Variants in MYO6 observed in about 807,000 individuals in gnomAD.
MYO6 encodes the protein unconventional myosin-VI.
A neutral mutation model predicts 178.7 loss-of-function variants in MYO6; 74 were observed. That is an observed-to-expected ratio of 0.41 (90% CI 0.34 to 0.50). MYO6 has a LOEUF of 0.50. Ranked by LOEUF, MYO6 falls within the 20% of genes least tolerant of loss-of-function variation. MYO6 has a pLI of 0.09. For synonymous variants in MYO6, 477 were observed against 504.6 expected, an observed-to-expected ratio of 0.95 and a Z score of 0.73; for missense variants, 1,330 against 1,547.4, an observed-to-expected ratio of 0.86 and a Z score of 2.36.
intron 1 of MYO6, among the ~76,000 whole-genome samples, chr6:75,759,952 G>A (rs1448894367): frequency 6.6e-6 from 1 of 152,074 alleles, no homozygotes; most frequent in Non-Finnish European, 1.5e-5. Flanking sequence ...AGGCAGTCCT[G>A]GTTTAATGGA....
At chr6:75,877,623 A>G (rs1308940283) in intron 20 of MYO6, among the ~76,000 whole-genome samples, 1 of 151,980 alleles carries the variant, frequency 6.6e-6, no homozygotes, top group South Asian at 2.1e-4. Context: ...AAGGTGAAAG[A>G]AGGCAAGTTT....
At chr6:75,767,287 G>C (rs920695683) in intron 1 of MYO6, among the ~76,000 whole-genome samples, 36 of 151,932 alleles carry the variant, frequency 2.4e-4, no homozygotes, top group African/African-American at 8.7e-4. Flanking sequence ...TGGCCTCCCA[G>C]AGTGTTGGGA....
At chr6:75,836,566 ATTTCTT>A (rs1366855297) in intron 7 of MYO6, among the ~76,000 whole-genome samples, 1 of 150,914 alleles carries the variant, frequency 6.6e-6, no homozygotes, top group Non-Finnish European at 1.5e-5. Context: ...ATTTGGAATA[ATTTCTT>A]TTTCTTTTTC....
At chr6:75,858,705 G>A (rs1359973729) in intron 13 of MYO6, among the ~76,000 whole-genome samples, 197 bp from the exon 14 acceptor site, 2 of 152,066 alleles carry the variant, frequency 1.3e-5, no homozygotes, top group African/African-American at 4.8e-5. Flanking sequence ...CTGAAGCAGG[G>A]TATTTTTAAT....
At chr6:75,903,425 A>G (rs1779988859) in intron 30 of MYO6, among the ~76,000 whole-genome samples, 1 of 151,110 alleles carries the variant, frequency 6.6e-6, no homozygotes, top group Non-Finnish European at 1.5e-5. Context: ...TTGGGTGCAT[A>G]TATATTTAGG....
chr6:75,905,103 C>G (rs1432907142), intron 30 of MYO6, among the ~76,000 whole-genome samples: 1 of 152,152 alleles, frequency 6.6e-6, no homozygotes, highest in African/African-American at 2.4e-5. Context: ...CCAGCTGCGT[C>G]CTGGGAGAAC....
At chr6:75,752,314 A>G (rs1370756926) in intron 1 of MYO6, among the ~76,000 whole-genome samples, 1 of 152,242 alleles carries the variant, frequency 6.6e-6, no homozygotes, top group Non-Finnish European at 1.5e-5. Context: ...ATATTTCATA[A>G]TAATTTGTGA....
chr6:75,835,642 G>C (rs906441413), intron 6 of MYO6, among the ~76,000 whole-genome samples: 16 of 152,202 alleles, frequency 1.1e-4, no homozygotes, highest in African/African-American at 3.9e-4. Flanking sequence ...ATGTTGGCCA[G>C]GCTGGTCTCG....
intron 29 of MYO6, among the ~76,000 whole-genome samples, chr6:75,896,378 C>T (rs1372714990): frequency 5.9e-5 from 9 of 152,326 alleles, no homozygotes; most frequent in South Asian, 2.1e-4. Context: ...TTTTTGCTTA[C>T]GTATAGAATC....
intron 28 of MYO6, among the ~76,000 whole-genome samples, chr6:75,894,339 A>G (rs755485743): frequency 1.3e-5 from 2 of 152,200 alleles, no homozygotes; most frequent in Non-Finnish European, 2.9e-5. Context: ...ATGGGACCAT[A>G]TTAAGTAATG....
At chr6:75,884,331 G>A (rs1050627288) in intron 23 of MYO6, among the ~76,000 whole-genome samples, 2 of 152,196 alleles carry the variant, frequency 1.3e-5, no homozygotes, top group Admixed American at 6.5e-5. Flanking sequence ...ATAGTGTACA[G>A]CTTTTCATAA....
At chr6:75,799,720 A>G (rs1769249037) in intron 1 of MYO6, among the ~76,000 whole-genome samples, 1 of 151,946 alleles carries the variant, frequency 6.6e-6, no homozygotes, top group African/African-American at 2.4e-5. Flanking sequence ...TTGTTTCTTG[A>G]TTTTTGCCTG....
At chr6:75,837,666 A>G (rs1179399109) in intron 7 of MYO6, among the ~76,000 whole-genome samples, 1 of 152,226 alleles carries the variant, frequency 6.6e-6, no homozygotes, top group Non-Finnish European at 1.5e-5. Context: ...CAATCTAAAT[A>G]CAACTCTAAT....
At chr6:75,772,826 G>C (rs574137356) in intron 1 of MYO6, among the ~76,000 whole-genome samples, 12 of 152,294 alleles carry the variant, frequency 7.9e-5, no homozygotes, top group Non-Finnish European at 1.3e-4. Context: ...CTAAAGTTTT[G>C]AGATAGTATT....
intron 1 of MYO6, among the ~76,000 whole-genome samples, chr6:75,751,153 C>T (rs1352306223): frequency 1.3e-5 from 2 of 152,198 alleles, no homozygotes; most frequent in African/African-American, 4.8e-5. Context: ...AACCATGCTG[C>T]CGTTCAAAAT....
At chr6:75,836,357 G>C (rs562253661) in intron 7 of MYO6, among the ~76,000 whole-genome samples, 1 of 152,170 alleles carries the variant, frequency 6.6e-6, no homozygotes, top group South Asian at 2.1e-4. Flanking sequence ...AACGAAGGCC[G>C]TAGTGTGTAA....
At position 75,886,650 on chromosome 6, in the gene MYO6, C is replaced by G. The variant is rs17800625; in HGVS notation, c.2508-194C>G. ...TCTCAAAGTTGTAGAAGGCTTTAAT[C>G]CCATTGACAGGCATCAGTGTCATTC... On this transcript the variant is annotated intron_variant, in intron 24 of 34. Coordinates refer to ENST00000369977, the MANE Select transcript of MYO6 (RefSeq NM_004999.4). Among the ~76,000 whole-genome samples the G allele has an allele frequency of 0.23, 34,760 of 152,098 alleles. 5,177 individuals carry two copies. Among genetic ancestry groups the G allele is most frequent in the Middle Eastern group, 0.39 (114 of 294 alleles).
intron 12 of MYO6, 133 bp downstream of exon 12, chr6:75,855,416 A>G: frequency 1.2e-6 from 1 of 846,978 alleles, no homozygotes; most frequent in Non-Finnish European, 1.9e-6. Context: ...GTAATCCACC[A>G]TATAAATAAA....
Position 75,890,094 on chromosome 6 carries a change from A to G in MYO6, c.2696A>G (p.Tyr899Cys), listed in dbSNP as rs370750657. The change falls in exon 26 of 35, where the codon TAT (tyrosine) becomes TGT (cysteine). Residue 899 changes from tyrosine to cysteine, a missense_variant. Tyr to Cys is a radical substitution (Grantham distance 194). This residue lies in a region of MYO6 where 601 missense variants were observed against 626.1 expected (regional missense o/e 0.96). Coordinates refer to ENST00000369977, the MANE Select transcript of MYO6 (RefSeq NM_004999.4). ...ACGCAGGAACAAATCCAGAAAGAAT[A>G]TGATGCACTGGTTAAAAGCTCAGAG... ...MMTQEQIQKEYDALVKSSEEL... is the reference protein window; with the variant it reads ...MMTQEQIQKECDALVKSSEEL... 4.3e-6 allele frequency: 7 copies of G among 1,613,866 alleles called. No homozygotes were observed. The African/African-American group carries it at 9.3e-5, about 22-fold the overall frequency.
Sources: gnomAD v4.1 joint callset for allele counts (sites outside exome capture counted in the v4.1 genomes callset) on GRCh38, gnomAD v4.1.1 for gene constraint, gnomAD v4.1.1 regional missense constraint, MANE v1.5 for transcripts, NCBI Gene and HGNC (gene_info 2026-07-23, HGNC 2026-07-21) for gene names.